HMMR: variants seen among roughly 807,000 people sequenced by gnomAD.
HMMR encodes hyaluronan mediated motility receptor, also known as intracellular hyaluronic acid-binding protein.
In HMMR, 108 loss-of-function variants were observed where a neutral mutation model predicts 101.0. That is an observed-to-expected ratio of 1.07 (90% CI 0.92 to 1.25). The LOEUF (loss-of-function observed/expected upper bound fraction) is 1.25. HMMR is among the 50% of genes most tolerant of loss of function. The probability of loss-of-function intolerance (pLI) is 0.00; values close to 1 mark genes in which losing one functional copy is unlikely to be tolerated. For synonymous variants in HMMR, 296 were observed against 276.4 expected (o/e 1.07, Z -0.70); for missense variants, 813 against 788.7 (o/e 1.03, Z -0.37).
At chr5:163,484,815 G>T (rs190739742) in intron 16 of HMMR, among the ~76,000 whole-genome samples, 1 of 151,818 alleles carries the variant, frequency 6.6e-6, no homozygotes, top group Non-Finnish European at 1.5e-5. Context: ...TCTACTTTCT[G>T]TCTCTGTTGA....
chr5:163,475,756 C>T, intron 11 of HMMR, 84 bp downstream of exon 11: 1 of 577,112 alleles, frequency 1.7e-6, no homozygotes, highest in South Asian at 3.0e-5. Context: ...TCTTATCAAT[C>T]ATGTGAGCGT....
chr5:163,476,218 G>A (rs1414127037), intron 11 of HMMR, among the ~76,000 whole-genome samples: 1 of 152,058 alleles, frequency 6.6e-6, no homozygotes, highest in Admixed American at 6.6e-5. Flanking sequence ...TTAGAAAGTT[G>A]TGGGAGGAGA....
chr5:163,463,663 A>G (rs990499772), intron 1 of HMMR, among the ~76,000 whole-genome samples, 193 bp from the exon 2 acceptor site: 1 of 152,214 alleles, frequency 6.6e-6, no homozygotes, highest in Non-Finnish European at 1.5e-5. Context: ...CCCGGTTGAT[A>G]TAAAGGGCAA....
chr5:163,478,307 G>A (rs1218368934), intron 11 of HMMR, among the ~76,000 whole-genome samples: 1 of 152,060 alleles, frequency 6.6e-6, no homozygotes, highest in Non-Finnish European at 1.5e-5. Flanking sequence ...AATTGTTCAT[G>A]GTATTTCTCA....
chr5:163,480,524 T>C (rs1258643302), intron 12 of HMMR, among the ~76,000 whole-genome samples: 5 of 152,208 alleles, frequency 3.3e-5, no homozygotes, highest in Admixed American at 3.3e-4. Flanking sequence ...ATTTTGTGAC[T>C]ATAAGAATAC....
chr5:163,473,540 T>A lies in HMMR; in HGVS notation c.887T>A (p.Leu296Gln). ...QVEDLNVKCQ[L>Q]LEKEKEDHVN... ...GAAGATCTAAATGTGAAATGTCAGC[T>A]GCTTGAAAAAGAAAAAGGTATTACA... Residue 296 changes from leucine to glutamine, a missense_variant, in exon 9 of 18, where the codon CTG (leucine) becomes CAG (glutamine). Transcript: ENST00000393915. 1 of 1,571,924 alleles carries A rather than the reference T, an allele frequency of 6.4e-7. No homozygotes were observed. The highest frequency in any genetic ancestry group is 2.3e-5 in the East Asian group (1 of 44,378).
At position 163,469,648 on chromosome 5, in the gene HMMR, T is replaced by G; in HGVS notation, c.281T>G (p.Val94Gly). Residue 94 changes from valine to glycine, a missense_variant, in exon 5 of 18, where the codon GTT becomes GGT. By Grantham distance (109) the Val-to-Gly change is moderately radical. Coordinates refer to ENST00000393915, the MANE Select transcript of HMMR (RefSeq NM_001142556.2). ...CACCTTGTTTTTGTCCAGATTCGTGTTCTTCTACAGGAACGTGGTGCCCAG... is the reference window on the plus strand; with the variant it reads ...CACCTTGTTTTTGTCCAGATTCGTGGTCTTCTACAGGAACGTGGTGCCCAG... ...DLKILEKEIR[V>G]LLQERGAQDR... The G allele has an allele frequency of 6.2e-7, 1 of 1,609,446 alleles. No individual in the cohort carries two copies. The highest frequency in any genetic ancestry group is 8.5e-7 in the Non-Finnish European group (1 of 1,178,790).
chr5:163,482,915 A>G (rs1251405751), intron 13 of HMMR, 105 bp from the exon 14 acceptor site: 1 of 1,340,498 alleles, frequency 7.5e-7, no homozygotes, highest in Non-Finnish European at 1.0e-6. Context: ...TCAGTTAAAA[A>G]ATGACACTTC....
intron 1 of HMMR, 114 bp downstream of exon 1, chr5:163,460,852 A>G (rs182600074): frequency 5.4e-4 from 449 of 837,384 alleles, no homozygotes; most frequent in Middle Eastern, 1.3e-3. Context: ...GCTGGGGCTC[A>G]TTCAGTTGAT....
chr5:163,467,611 C>T, intron 3 of HMMR, 90 bp from the exon 4 acceptor site: 2 of 691,678 alleles, frequency 2.9e-6, no homozygotes, highest in Non-Finnish European at 5.2e-6. Flanking sequence ...GATTGGATCC[C>T]TTCATCTTTT....
intron 11 of HMMR, among the ~76,000 whole-genome samples, chr5:163,476,200 C>T (rs1439827404): frequency 1.3e-5 from 2 of 151,770 alleles, no homozygotes; most frequent in African/African-American, 4.8e-5. Context: ...GCCTGTAGTC[C>T]CAGCTACTTA....
chr5:163,490,619 G>T, intron 17 of HMMR, 67 bp downstream of exon 17: 1 of 1,212,568 alleles, frequency 8.2e-7, no homozygotes, highest in Non-Finnish European at 1.2e-6. Context: ...CATTTAGCAA[G>T]TCATCCATTT....
chr5:163,477,626 T>C (rs934603688), intron 11 of HMMR, among the ~76,000 whole-genome samples: 2 of 152,182 alleles, frequency 1.3e-5, no homozygotes, highest in Admixed American at 6.5e-5. Flanking sequence ...AATTTTTTAT[T>C]CCAACTCAAA....
Position 163,491,116 on chromosome 5 carries a change from T to A in HMMR, c.2130T>A (p.Asn710Lys). The A allele has an allele frequency of 9.6e-6, 15 of 1,556,424 alleles. No homozygotes were observed. Among genetic ancestry groups the A allele is most frequent in the Non-Finnish European group, 1.3e-5 (15 of 1,144,302 alleles). ...TCTTTTCAATAATTCTTCTAGGCAA[T>A]ACAAACTGTTACCGAGCTCCTATGG... ...FALKTPLKEG[N>K]TNCYRAPMEC... The change falls in exon 18 of 18, where the codon AAT (asparagine) becomes AAA (lysine). Residue 710 changes from asparagine (N) to lysine (K), a missense_variant. By Grantham distance (94) the Asn-to-Lys change is moderately conservative. Coordinates refer to ENST00000393915, the MANE Select transcript of HMMR (RefSeq NM_001142556.2).
At chr5:163,489,839 T>G (rs1490140621) in intron 16 of HMMR, among the ~76,000 whole-genome samples, 4 of 151,850 alleles carry the variant, frequency 2.6e-5, no homozygotes, top group African/African-American at 9.7e-5. Context: ...TGACTCGGAG[T>G]TGGGGGAAAA....
At position 163,471,440 on chromosome 5, in the gene HMMR, A is replaced by C. The variant is rs748622236; in HGVS notation, c.627A>C (p.Lys209Asn). ...TQRSLEESQGKIAQLEGKLVS... is the reference protein window; with the variant it reads ...TQRSLEESQGNIAQLEGKLVS... ...GGAGTCTCGAAGAGTCTCAAGGGAAAATAGCCCAACTGGAGGGAAAACTGT... is the reference window on the plus strand; with the variant it reads ...GGAGTCTCGAAGAGTCTCAAGGGAACATAGCCCAACTGGAGGGAAAACTGT... Residue 209 changes from lysine (K) to asparagine (N), a missense_variant, in exon 7 of 18, where the codon AAA (lysine) becomes AAC (asparagine). Lys to Asn is a moderately conservative substitution (Grantham distance 94). Transcript: ENST00000393915. 8 of 1,613,208 alleles carry C rather than the reference A, an allele frequency of 5.0e-6. 1 individual carries two copies. Among genetic ancestry groups the C allele is most frequent in the South Asian group, 2.2e-5 (2 of 91,028 alleles).
At chr5:163,485,454 T>G (rs968865698) in intron 16 of HMMR, among the ~76,000 whole-genome samples, 2 of 152,246 alleles carry the variant, frequency 1.3e-5, no homozygotes. Context: ...TTTCATGTGC[T>G]TACTGGCCAT....
intron 12 of HMMR, 27 bp from the exon 13 acceptor site, chr5:163,482,615 C>G (rs1455699281): frequency 2.6e-6 from 4 of 1,549,720 alleles, no homozygotes; most frequent in Non-Finnish European, 3.5e-6. Flanking sequence ...TAGAAAACTA[C>G]TTTGACTTTT....
chr5:163,486,104 A>T (rs1759468588), intron 16 of HMMR, among the ~76,000 whole-genome samples: 1 of 152,112 alleles, frequency 6.6e-6, no homozygotes, highest in South Asian at 2.1e-4. Flanking sequence ...ATTTTTCAAT[A>T]TGGTTTTGTC....
Sources: gnomAD v4.1 joint callset for allele counts (sites outside exome capture counted in the v4.1 genomes callset) on GRCh38, gnomAD v4.1.1 for gene constraint, MANE v1.5 for transcripts, NCBI Gene and HGNC (gene_info 2026-07-23, HGNC 2026-07-21) for gene names.